Variants in WDR73 observed in about 807,000 individuals in gnomAD.
WDR73 encodes the protein WD repeat domain 73.
Under a neutral mutation model 38.2 loss-of-function variants are expected in WDR73, and 30 were observed. The observed-to-expected ratio is 0.79, with a 90% CI of 0.59 to 1.06. The LOEUF is 1.06. Among genes scored for constraint, WDR73 ranks in the 50% least tolerant of loss-of-function variants. The probability of loss-of-function intolerance (pLI) is 0.00; values close to 1 mark genes in which losing one functional copy is unlikely to be tolerated. For missense variants in WDR73, 487 were observed against 467.0 expected, an observed-to-expected ratio of 1.04 and a Z score of -0.40; for synonymous variants, 197 against 176.0, an observed-to-expected ratio of 1.12 and a Z score of -0.94.
At chr15:84,648,269 A>G in intron 4 of WDR73, 2 of 585,334 alleles carry the variant, frequency 3.4e-6, no homozygotes, top group Non-Finnish European at 3.0e-6. Flanking sequence ...ATAGAAGAGC[A>G]TCTTTCTGTC....
intron 2 of WDR73, chr15:84,653,306 T>G (rs541724754): frequency 5.0e-5 from 14 of 281,310 alleles, no homozygotes; most frequent in African/African-American, 3.1e-4. Flanking sequence ...TAGCTGCTGG[T>G]ACACAGGTGT....
chr15:84,653,943 A>T lies in WDR73; in HGVS notation c.42-244T>A, dbSNP rs965712430. On this transcript the variant is annotated intron_variant, in intron 1 of 7. Transcript: ENST00000434634. ...TTCCCAAGGTTGACGTGAGGAATCA[A>T]TGAGATCATCTGTGTTCTGAGCTGA... The T allele has an allele frequency of 3.1e-5, 19 of 604,340 alleles. No homozygotes were observed. In the Admixed American group the frequency reaches 5.0e-4, roughly 16 times the overall value. The allele number at this position is 604,340 out of a possible 1,614,324, so 37.4% of individuals were successfully genotyped here.
chr15:84,648,915 A>T (rs1004578046), intron 3 of WDR73, among the ~76,000 whole-genome samples: 1 of 152,210 alleles, frequency 6.6e-6, no homozygotes, highest in Non-Finnish European at 1.5e-5. Flanking sequence ...GAGAAGCTTA[A>T]CAGCTTCATC....
At chr15:84,648,408 C>T in intron 4 of WDR73, 129 bp downstream of exon 4, 3 of 701,516 alleles carry the variant, frequency 4.3e-6, no homozygotes, top group South Asian at 3.3e-5. Flanking sequence ...TGTGCACACA[C>T]TTGTGCACTC....
rs1411557439 is a variant in WDR73, at chr15:84,641,322, C to T, written c.*2148G>A. 2 of 152,264 alleles carry T rather than the reference C, an allele frequency of 1.3e-5. No individual in the cohort carries two copies. Among genetic ancestry groups the T allele is most frequent in the Middle Eastern group, 3.4e-3 (1 of 294 alleles). 9.4% of individuals were successfully genotyped at this position (152,264 alleles called of 1,614,324 possible). Reference sequence around the variant, plus strand: ...AAAGTCAGCCCTGGGATTCTAAACTCGGACAAGCCAGCACTGGTTAAGGGC... The same window carrying T: ...AAAGTCAGCCCTGGGATTCTAAACTTGGACAAGCCAGCACTGGTTAAGGGC... On this transcript the variant is annotated 3_prime_UTR_variant, in exon 8 of 8. Transcript: ENST00000434634.
At chr15:84,649,221 C>T (rs1384092028) in intron 3 of WDR73, among the ~76,000 whole-genome samples, 3 of 152,214 alleles carry the variant, frequency 2.0e-5, no homozygotes, top group Non-Finnish European at 4.4e-5. Flanking sequence ...CAAGTCCACA[C>T]TGTTAGCCAC....
chr15:84,654,255 C>T lies in WDR73; in HGVS notation c.20G>A (p.Trp7Ter). MDPGDD[W>*]LVESLRLYQD... The stretch of plus-strand genomic sequence containing the variant: ...TTACAAGCGCAAGGATTCCACCAGC[C>T]AGTCGTCCCCAGGATCCATGGCAAC... Residue 7 changes from tryptophan (W) to a stop codon, truncating the protein, a stop_gained, in exon 1 of 8, where the codon TGG becomes TAG. Coordinates refer to ENST00000434634, the MANE Select transcript of WDR73 (RefSeq NM_032856.5). LOFTEE classifies it high-confidence loss of function. 1.2e-6 allele frequency: 2 copies of T among 1,613,974 alleles called. No homozygotes were observed. The highest frequency in any genetic ancestry group is 8.5e-7 in the Non-Finnish European group (1 of 1,179,834).
intron 7 of WDR73, 109 bp from the exon 8 acceptor site, chr15:84,643,832 G>A (rs1567020857): frequency 3.1e-6 from 4 of 1,307,510 alleles, no homozygotes; most frequent in Non-Finnish European, 4.1e-6. Context: ...GACCAGGATG[G>A]TCTTGAACTC....
chr15:84,639,781 A>C lies in WDR73; in HGVS notation c.*3689T>G, dbSNP rs1172961288. The C allele has an allele frequency of 6.6e-6, 1 of 152,248 alleles. No homozygotes were observed. The highest frequency in any genetic ancestry group is 1.9e-4 in the East Asian group (1 of 5,204). 9.4% of individuals were successfully genotyped at this position (152,248 alleles called of 1,614,324 possible). A position where few individuals can be genotyped will look rare whatever the true frequency, so the allele number is the denominator to read the frequency against. ...TGGGAATTCTCAGAGGCCTGGATCCACGAAAAACTCCGCACCTGCCATCGA... is the reference window on the plus strand; with the variant it reads ...TGGGAATTCTCAGAGGCCTGGATCCCCGAAAAACTCCGCACCTGCCATCGA... On this transcript the variant is annotated 3_prime_UTR_variant, in exon 8 of 8. Transcript: ENST00000434634.
rs1896255367 is a variant in WDR73, at chr15:84,641,516, TTA to T, written c.*1952_*1953del. ...ATTATGAGTGTTTATGATTTTATCT[TTA>T]TTTTATTTTTTTTGAGATGGAGTCT... On this transcript the variant is annotated 3_prime_UTR_variant, in exon 8 of 8. Coordinates refer to ENST00000434634, the MANE Select transcript of WDR73 (RefSeq NM_032856.5). 1 of 151,918 alleles carries T rather than the reference TTA, an allele frequency of 6.6e-6. No individual in the cohort carries two copies. Among genetic ancestry groups the T allele is most frequent in the African/African-American group, 2.4e-5 (1 of 41,268 alleles). The allele number at this position is 151,918 out of a possible 1,614,324, so 9.4% of individuals were successfully genotyped here. A position where few individuals can be genotyped will look rare whatever the true frequency, so the allele number is the denominator to read the frequency against.
chr15:84,643,378 G>A lies in WDR73; in HGVS notation c.*92C>T. On this transcript the variant is annotated 3_prime_UTR_variant, in exon 8 of 8. Transcript: ENST00000434634. The stretch of plus-strand genomic sequence containing the variant: ...GCCCAAGGCCACACAGCTGGTAACA[G>A]GGACTGGTAGTCACTTGAGTCCTAC... The A allele has an allele frequency of 6.9e-6, 10 of 1,458,388 alleles. No homozygotes were observed. The highest frequency in any genetic ancestry group is 9.2e-6 in the Non-Finnish European group (10 of 1,088,832). 90.3% of individuals were successfully genotyped at this position (1,458,388 alleles called of 1,614,324 possible). A position where few individuals can be genotyped will look rare whatever the true frequency, so the allele number is the denominator to read the frequency against.
At chr15:84,646,146 G>T in intron 6 of WDR73, 38 bp downstream of exon 6, 1 of 1,612,212 alleles carries the variant, frequency 6.2e-7, no homozygotes. Flanking sequence ...GGGTGATGCC[G>T]GCTGGAGCAG....
In WDR73 at chr15:84,646,275, G is replaced by A; in HGVS notation, c.426C>T (p.Phe142=). 1 of 1,613,960 alleles carries A rather than the reference G, an allele frequency of 6.2e-7. No homozygotes were observed. The highest frequency in any genetic ancestry group is 8.5e-7 in the Non-Finnish European group (1 of 1,179,904). Residue 142 remains phenylalanine, a synonymous_variant, in exon 6 of 8, where the codon TTC becomes TTT. Transcript: ENST00000434634. ...GGAGGACTCCGGGTGCCAATGTGGA[G>A]AAGACGGCCACCCTAGGCCAGAGAC... ...EESLWPRVAV[F]STLAPGVLHG...
chr15:84,646,070 T>C (rs1236214728), intron 6 of WDR73, 114 bp downstream of exon 6: 2 of 1,562,410 alleles, frequency 1.3e-6, no homozygotes, highest in East Asian at 2.4e-5. Context: ...TCTTATTCAC[T>C]GTGTATCCCC....
Position 84,645,562 on chromosome 15 carries a change from T to C in WDR73, c.792A>G (p.Ser264=), listed in dbSNP as rs1199775595. The change falls in exon 7 of 8, where the codon TCA becomes TCG. Residue 264 remains serine (S), a synonymous_variant. Coordinates refer to ENST00000434634, the MANE Select transcript of WDR73 (RefSeq NM_032856.5). ...DPRDLCHPVS[S]VQCPVSVPSP... ...TAGGTACGGATACTGGGCACTGGAC[T>C]GAGCTCACAGGATGGCAGAGATCCC... The C allele has an allele frequency of 1.2e-6, 2 of 1,611,854 alleles. No homozygotes were observed. The highest frequency in any genetic ancestry group is 2.2e-5 in the South Asian group (2 of 90,700).
chr15:84,643,650 G>T lies in WDR73; in HGVS notation c.957C>A (p.Ser319Arg), dbSNP rs1460536614. ...DGTRSQDGTR[S>R]QVEPLFTHRG... ...TGTGAGTGAAGAGAGGTTCTACTTGGCTCCGTGTTCCATCTTGGCTCCGTG... is the reference window on the plus strand; with the variant it reads ...TGTGAGTGAAGAGAGGTTCTACTTGTCTCCGTGTTCCATCTTGGCTCCGTG... Residue 319 changes from serine to arginine, a missense_variant, in exon 8 of 8, where the codon AGC (serine) becomes AGA (arginine). Coordinates refer to ENST00000434634, the MANE Select transcript of WDR73 (RefSeq NM_032856.5). The T allele has an allele frequency of 9.4e-7, 1 of 1,068,518 alleles. No individual in the cohort carries two copies. The highest frequency in any genetic ancestry group is 1.3e-6 in the Non-Finnish European group (1 of 763,306). 66.2% of individuals were successfully genotyped at this position (1,068,518 alleles called of 1,614,324 possible). A position where few individuals can be genotyped will look rare whatever the true frequency, so the allele number is the denominator to read the frequency against.
At chr15:84,653,443 T>C in intron 2 of WDR73, 189 bp downstream of exon 2, 3 of 519,644 alleles carry the variant, frequency 5.8e-6, no homozygotes, top group Non-Finnish European at 1.1e-5. Context: ...GTGCTGGGAT[T>C]ACAGGCGTGA....
At chr15:84,644,533 C>T (rs556094933) in intron 7 of WDR73, 1 of 152,086 alleles carries the variant, frequency 6.6e-6, no homozygotes, top group South Asian at 2.1e-4. Flanking sequence ...CTAGCTACCA[C>T]CAGACCAGAA....
intron 1 of WDR73, 82 bp from the exon 2 acceptor site, chr15:84,653,781 G>A: frequency 1.8e-6 from 2 of 1,131,002 alleles, no homozygotes; most frequent in East Asian, 2.6e-5. Context: ...GCATGGTTCA[G>A]TGGCCCAAAC....
Sources: allele counts gnomAD v4.1 joint callset (sites outside exome capture counted in the v4.1 genomes callset), GRCh38; gene constraint gnomAD v4.1.1; transcripts MANE v1.5; gene names NCBI Gene and HGNC (gene_info 2026-07-23, HGNC 2026-07-21).